Variants in PRKCE observed in about 807,000 individuals in gnomAD.
PRKCE encodes the protein protein kinase C epsilon type.
Under a neutral mutation model 85.4 loss-of-function variants are expected in PRKCE, and 16 were observed. The ratio of observed to expected loss-of-function variants is 0.19; its 90% CI spans 0.13 to 0.28. The LOEUF (loss-of-function observed/expected upper bound fraction) is 0.28. Among genes scored for constraint, PRKCE ranks in the 10% least tolerant of loss-of-function variants. The pLI, the probability that PRKCE is intolerant of heterozygous loss-of-function variation, is 1.00. For missense variants in PRKCE, 573 were observed against 975.2 expected (o/e 0.59, Z 5.49); for synonymous variants, 388 against 371.5 (o/e 1.04, Z -0.51).
At chr2:45,666,280 A>G (rs1008106634) in intron 1 of PRKCE, among the ~76,000 whole-genome samples, 4 of 152,114 alleles carry the variant, frequency 2.6e-5, no homozygotes, top group African/African-American at 9.7e-5. Flanking sequence ...CCTGGAATCC[A>G]GGGGATTTGT....
chr2:45,715,545 G>C (rs968345778), intron 1 of PRKCE, among the ~76,000 whole-genome samples: 6 of 152,122 alleles, frequency 3.9e-5, no homozygotes, highest in African/African-American at 1.4e-4. Context: ...GGTTTCTAAG[G>C]AGCAAGAGAC....
chr2:45,852,974 T>G (rs1692394818), intron 2 of PRKCE, among the ~76,000 whole-genome samples: 3 of 152,154 alleles, frequency 2.0e-5, no homozygotes, highest in African/African-American at 7.2e-5. Context: ...TGAACCGCAC[T>G]TGGAGTAGCA....
At chr2:46,058,356 A>T (rs866860655) in intron 10 of PRKCE, among the ~76,000 whole-genome samples, 11 of 152,354 alleles carry the variant, frequency 7.2e-5, no homozygotes, top group Middle Eastern at 6.8e-3. Flanking sequence ...ACTGGCTGGG[A>T]TCCAGATGCT....
chr2:45,829,722 A>G lies in PRKCE; in HGVS notation c.349-13278A>G, dbSNP rs116075741. The stretch of plus-strand genomic sequence containing the variant: ...AACAAGTGACCTTTGGAAAGTCTGT[A>G]TGTGGAACCATATGCTCCCCACTGT... On this transcript the variant is annotated intron_variant, in intron 1 of 14. Transcript: ENST00000306156. Among the ~76,000 whole-genome samples the G allele has an allele frequency of 7.9e-3, 1,207 of 152,302 alleles. 14 individuals are homozygous for G. Among genetic ancestry groups the G allele is most frequent in the African/African-American group, 0.027 (1,132 of 41,558 alleles).
chr2:46,136,607 G>A (rs1675031478), intron 11 of PRKCE, among the ~76,000 whole-genome samples: 1 of 152,160 alleles, frequency 6.6e-6, no homozygotes, highest in African/African-American at 2.4e-5. Flanking sequence ...GCCCAGGGCT[G>A]TTGTGGGAAG....
chr2:45,739,726 G>T (rs539852940), intron 1 of PRKCE, among the ~76,000 whole-genome samples: 2 of 152,106 alleles, frequency 1.3e-5, no homozygotes, highest in Non-Finnish European at 2.9e-5. Context: ...AAGGGGCCCA[G>T]GGAATTTTTT....
chr2:46,081,838 G>A (rs1026329518), intron 10 of PRKCE, among the ~76,000 whole-genome samples: 1 of 152,212 alleles, frequency 6.6e-6, no homozygotes, highest in Non-Finnish European at 1.5e-5. Flanking sequence ...GCTCATGCTT[G>A]TAATCCCAGC....
chr2:45,939,593 T>C (rs577813220), intron 2 of PRKCE, among the ~76,000 whole-genome samples: 1 of 151,964 alleles, frequency 6.6e-6, no homozygotes, highest in East Asian at 1.9e-4. Flanking sequence ...TCTCACTCTA[T>C]CGCTAGGCTG....
At chr2:46,122,743 G>T (rs1673429935) in intron 11 of PRKCE, among the ~76,000 whole-genome samples, 1 of 152,064 alleles carries the variant, frequency 6.6e-6, no homozygotes, top group South Asian at 2.1e-4. Context: ...GAAGATAGCT[G>T]CAAGGTAGAT....
chr2:45,929,602 A>G (rs1698882123), intron 2 of PRKCE, among the ~76,000 whole-genome samples: 2 of 152,172 alleles, frequency 1.3e-5, no homozygotes, highest in South Asian at 4.1e-4. Context: ...TTCCAAAGCT[A>G]AAAACTTAGA....
rs374670376 is a variant in PRKCE, at chr2:45,661,523, G to T, written c.348+9075G>T. Among the ~76,000 whole-genome samples, 773 of 96,560 alleles carry T rather than the reference G, an allele frequency of 8.0e-3. 11 individuals carry two copies. The highest frequency in any genetic ancestry group is 0.025 in the African/African-American group (655 of 25,752). 63.3% of individuals were successfully genotyped at this position (96,560 alleles called of 152,430 possible). Reference sequence around the variant, plus strand: ...TTTTTTTTGTTTTGTTTTGTTTTTTGTTTTTTGTTTTTTTTTTTTTTTTTA... The same window carrying T: ...TTTTTTTTGTTTTGTTTTGTTTTTTTTTTTTTGTTTTTTTTTTTTTTTTTA... On this transcript the variant is annotated intron_variant, in intron 1 of 14. Coordinates refer to ENST00000306156, the MANE Select transcript of PRKCE (RefSeq NM_005400.3).
rs1256731964 is a variant in PRKCE at position 45,697,253 on chromosome 2, C to T, written c.348+44805C>T. Among the ~76,000 whole-genome samples the T allele has an allele frequency of 2.0e-5, 3 of 151,998 alleles. No homozygotes were observed. Among genetic ancestry groups the T allele is most frequent in the Non-Finnish European group, 4.4e-5 (3 of 67,978 alleles). Reference sequence around the variant, plus strand: ...GTAGGTGAAGAGGGGGCGCACCCCACTGGCTGGCCTGGCCCTCCTGGCTGC... The same window carrying T: ...GTAGGTGAAGAGGGGGCGCACCCCATTGGCTGGCCTGGCCCTCCTGGCTGC... On this transcript the variant is annotated intron_variant, in intron 1 of 14. Transcript: ENST00000306156. The surrounding 1 kb of genome is among the most constrained non-coding windows in gnomAD (Gnocchi z 4.2).
intron 10 of PRKCE, 160 bp downstream of exon 10, chr2:46,010,677 T>G (rs745481718): frequency 1.3e-6 from 2 of 1,598,634 alleles, no homozygotes; most frequent in Non-Finnish European, 1.7e-6. Flanking sequence ...AGCATCTTCT[T>G]TTTTAGGGCA....
At chr2:45,985,359 A>G (rs1156241898) in intron 6 of PRKCE, among the ~76,000 whole-genome samples, 1 of 152,144 alleles carries the variant, frequency 6.6e-6, no homozygotes, top group African/African-American at 2.4e-5. Context: ...AGCATATAAC[A>G]CAGGGAGGTG....
chr2:45,821,708 T>G (rs998925023), intron 1 of PRKCE, among the ~76,000 whole-genome samples: 1 of 151,974 alleles, frequency 6.6e-6, no homozygotes, highest in Non-Finnish European at 1.5e-5. Context: ...AAATAAGGTA[T>G]GATTGGAATG....
intron 2 of PRKCE, among the ~76,000 whole-genome samples, chr2:45,860,551 A>C (rs2105648690): frequency 6.6e-6 from 1 of 152,140 alleles, no homozygotes; most frequent in South Asian, 2.1e-4. Flanking sequence ...GCTTTTTCAA[A>C]CCCTGTTAGC....
chr2:46,031,624 G>GTGTGTGTGTT (rs1707525561), intron 10 of PRKCE, among the ~76,000 whole-genome samples: 1 of 141,582 alleles, frequency 7.1e-6, no homozygotes, highest in Non-Finnish European at 1.5e-5. Context: ...GTGTGTGTGT[G>GTGTGTGTGTT]TGTGTGTGTG....
chr2:46,061,986 C>T (rs991150900), intron 10 of PRKCE, among the ~76,000 whole-genome samples: 1 of 151,798 alleles, frequency 6.6e-6, no homozygotes, highest in Non-Finnish European at 1.5e-5. Context: ...TGTCAGCCTC[C>T]CAAGTAGCTG....
intron 2 of PRKCE, among the ~76,000 whole-genome samples, chr2:45,933,803 A>C (rs1289317940): frequency 6.6e-6 from 1 of 152,080 alleles, no homozygotes; most frequent in Admixed American, 6.5e-5. Context: ...GGGAGTGGTT[A>C]TTTTGACCCT....
Sources: allele counts gnomAD v4.1 joint callset (sites outside exome capture counted in the v4.1 genomes callset), GRCh38; gene constraint gnomAD v4.1.1; non-coding constraint Gnocchi (gnomAD v3.1); transcripts MANE v1.5; gene names NCBI Gene and HGNC (gene_info 2026-07-23, HGNC 2026-07-21).